The following GCLC variants were observed in gnomAD, a reference collection of about 807,000 sequenced individuals.
GCLC encodes glutamate--cysteine ligase catalytic subunit.
In GCLC, 30 loss-of-function variants were observed where a neutral mutation model predicts 81.5. That is an observed-to-expected ratio of 0.37 (90% CI 0.28 to 0.50). GCLC has a LOEUF of 0.50. GCLC is among the 20% of genes least tolerant of loss of function. GCLC has a pLI of 0.96. For synonymous variants in GCLC, 262 were observed against 273.3 expected, an observed-to-expected ratio of 0.96 and a Z score of 0.41; for missense variants, 556 against 777.4, an observed-to-expected ratio of 0.72 and a Z score of 3.39.
intron 1 of GCLC, among the ~76,000 whole-genome samples, chr6:53,537,344 G>C (rs1763272999): frequency 6.6e-6 from 1 of 152,160 alleles, no homozygotes; most frequent in Admixed American, 6.5e-5. Flanking sequence ...AAAAGATAGA[G>C]AGATGCGACA....
chr6:53,542,527 C>T (rs2127632350), intron 1 of GCLC, among the ~76,000 whole-genome samples: 1 of 149,646 alleles, frequency 6.7e-6, no homozygotes, highest in East Asian at 2.0e-4. Flanking sequence ...TTAAGGATTC[C>T]TGGAGTGTCT....
chr6:53,544,660 C>A lies in GCLC; in HGVS notation c.-15G>T. On this transcript the variant is annotated 5_prime_UTR_variant, in exon 1 of 16. Transcript: ENST00000650454. ...AGCAGCCCCATGGCCGCCCCCTCCT[C>A]CTCCTCCTCCTCCTCCGGGCTGACG... 1 of 1,575,614 alleles carries A rather than the reference C, an allele frequency of 6.3e-7. No individual in the cohort carries two copies. Among genetic ancestry groups the A allele is most frequent in the South Asian group, 1.1e-5 (1 of 89,278 alleles).
chr6:53,526,812 A>C (rs1216542315), intron 1 of GCLC, among the ~76,000 whole-genome samples: 2 of 152,206 alleles, frequency 1.3e-5, no homozygotes, highest in East Asian at 1.9e-4. Context: ...AAAAAAAAAA[A>C]AAAAACAATT....
chr6:53,542,998 G>C (rs1323885789), intron 1 of GCLC, among the ~76,000 whole-genome samples: 1 of 152,102 alleles, frequency 6.6e-6, no homozygotes, highest in Non-Finnish European at 1.5e-5. Flanking sequence ...GACAGAGCAA[G>C]ATTCTGTCTC....
In GCLC at chr6:53,535,975, A is replaced by G. The variant is rs760302386; in HGVS notation, c.150+8521T>C. Among the ~76,000 whole-genome samples the G allele has an allele frequency of 3.3e-5, 5 of 152,374 alleles. No homozygotes were observed. The East Asian group carries it at 9.6e-4, about 29-fold the overall frequency. On this transcript the variant is annotated intron_variant, in intron 1 of 15. Coordinates refer to ENST00000650454, the MANE Select transcript of GCLC (RefSeq NM_001498.4). ...AAGATGAAGAAAAGCATTAGTCCAT[A>G]CATACAAACTTGTATGTTAATGTTC...
At chr6:53,500,739 A>C in intron 12 of GCLC, 1 of 585,720 alleles carries the variant, frequency 1.7e-6, no homozygotes, top group Admixed American at 3.0e-5. Context: ...TTTTAAGAGA[A>C]ACTTAAAACC....
At chr6:53,503,464 G>C (rs1764551413) in intron 12 of GCLC, 1 of 152,126 alleles carries the variant, frequency 6.6e-6, no homozygotes, top group African/African-American at 2.4e-5. Flanking sequence ...AGTTTTGTTA[G>C]AATCACCTGA....
At chr6:53,535,587 T>C (rs1265983118) in intron 1 of GCLC, among the ~76,000 whole-genome samples, 3 of 152,194 alleles carry the variant, frequency 2.0e-5, no homozygotes, top group Non-Finnish European at 4.4e-5. Context: ...TTGCAAAGCA[T>C]GTGTCTGATA....
In GCLC at chr6:53,498,655, C is replaced by T; in HGVS notation, c.*101G>A. The T allele has an allele frequency of 3.7e-6, 3 of 817,674 alleles. No individual in the cohort carries two copies. Among genetic ancestry groups the T allele is most frequent in the Non-Finnish European group, 6.5e-6 (3 of 462,992 alleles). The allele number at this position is 817,674 out of a possible 1,614,324, so 50.7% of individuals were successfully genotyped here. On this transcript the variant is annotated 3_prime_UTR_variant, in exon 16 of 16. Coordinates refer to ENST00000650454, the MANE Select transcript of GCLC (RefSeq NM_001498.4). ...TGGCTCACTGGCCCAGAAAACAGTA[C>T]AGTTCTATCATTTGGTCTTCATATT...
intron 1 of GCLC, among the ~76,000 whole-genome samples, chr6:53,537,759 T>C (rs1005451069): frequency 1.3e-5 from 2 of 152,150 alleles, no homozygotes; most frequent in Admixed American, 1.3e-4. Context: ...CAAAAAACCC[T>C]ACATATGTGG....
chr6:53,528,542 G>A (rs538025532), intron 1 of GCLC, among the ~76,000 whole-genome samples: 148 of 152,236 alleles, frequency 9.7e-4, no homozygotes, highest in African/African-American at 3.5e-3. Flanking sequence ...AAAAGAAAAT[G>A]TTTTAGCAGT....
intron 1 of GCLC, among the ~76,000 whole-genome samples, chr6:53,526,103 T>C (rs1303304403): frequency 1.3e-5 from 2 of 152,166 alleles, no homozygotes; most frequent in African/African-American, 2.4e-5. Flanking sequence ...AATACACTAC[T>C]ATCCCTGAGC....
chr6:53,514,042 T>C, intron 6 of GCLC, 162 bp downstream of exon 6: 1 of 663,832 alleles, frequency 1.5e-6, no homozygotes, highest in Non-Finnish European at 2.6e-6. Context: ...CAGCTTCCAA[T>C]GAATTTACTA....
At chr6:53,541,288 C>G (rs373448955) in intron 1 of GCLC, among the ~76,000 whole-genome samples, 1 of 152,070 alleles carries the variant, frequency 6.6e-6, no homozygotes, top group Non-Finnish European at 1.5e-5. Context: ...AGATCAAGGG[C>G]GGGAGGTAGA....
At chr6:53,512,655 T>C (rs1764776215) in intron 6 of GCLC, among the ~76,000 whole-genome samples, 1 of 152,028 alleles carries the variant, frequency 6.6e-6, no homozygotes, top group African/African-American at 2.4e-5. Context: ...TACATGTCAC[T>C]GGGAAAAAGA....
At chr6:53,527,821 T>C (rs1271086328) in intron 1 of GCLC, among the ~76,000 whole-genome samples, 1 of 152,142 alleles carries the variant, frequency 6.6e-6, no homozygotes, top group African/African-American at 2.4e-5. Flanking sequence ...TCCTTCAACA[T>C]AAAATTCAAC....
Position 53,520,768 on chromosome 6 carries a change from A to G in GCLC, c.446+10T>C. 2.5e-6 allele frequency: 4 copies of G among 1,610,314 alleles called. No individual in the cohort carries two copies. Among genetic ancestry groups the G allele is most frequent in the Non-Finnish European group, 3.4e-6 (4 of 1,176,488 alleles). ...GAGATCTGCTGGGGCATGTTAATAT[A>G]GGAACTAACCTGGGAAATGAAGTTA... On this transcript the variant is annotated intron_variant, in intron 3 of 15. Coordinates refer to ENST00000650454, the MANE Select transcript of GCLC (RefSeq NM_001498.4).
chr6:53,540,666 G>C (rs931792440), intron 1 of GCLC, among the ~76,000 whole-genome samples: 1 of 108,198 alleles, frequency 9.2e-6, no homozygotes, highest in African/African-American at 3.9e-5. Context: ...TAAGTGTCTT[G>C]CCACACACAC....
chr6:53,514,317 G>A lies in GCLC; in HGVS notation c.640C>T (p.Pro214Ser), dbSNP rs771702535. 3 of 1,592,930 alleles carry A rather than the reference G, an allele frequency of 1.9e-6. No individual in the cohort carries two copies. The highest frequency in any genetic ancestry group is 2.6e-6 in the Non-Finnish European group (3 of 1,160,770). ...GTAAATGTTTCTATAAATGGAGATG[G>A]TGTATTCTTGTCCTTAAATACTGTA... is the stretch of plus-strand genomic sequence containing the variant. ...NVPIFKDKNTPSPFIETFTED... is the reference protein window; with the variant it reads ...NVPIFKDKNTSSPFIETFTED... The change falls in exon 6 of 16, where the codon CCA (proline) becomes TCA (serine). Residue 214 changes from proline to serine, a missense_variant. This residue lies in a region of GCLC where 234 missense variants were observed against 303.8 expected (regional missense o/e 0.77). Transcript: ENST00000650454.
Sources: gnomAD v4.1 joint callset for allele counts (sites outside exome capture counted in the v4.1 genomes callset) on GRCh38, gnomAD v4.1.1 for gene constraint, gnomAD v4.1.1 regional missense constraint, MANE v1.5 for transcripts, NCBI Gene and HGNC (gene_info 2026-07-23, HGNC 2026-07-21) for gene names.